The following KCNJ6 variants were observed in gnomAD, a reference collection of about 807,000 sequenced individuals.
KCNJ6 encodes potassium inwardly rectifying channel subfamily J member 6.
In KCNJ6, 9 loss-of-function variants were observed where a neutral mutation model predicts 34.2. The observed-to-expected ratio is 0.26, with a 90% CI of 0.16 to 0.46. The LOEUF is 0.46. KCNJ6 is among the 20% of genes least tolerant of loss of function. The pLI, the probability that KCNJ6 is intolerant of heterozygous loss-of-function variation, is 1.00. For synonymous variants in KCNJ6, 196 were observed against 207.1 expected (o/e 0.95, Z 0.46); for missense variants, 236 against 531.3 (o/e 0.44, Z 5.46).
At chr21:37,713,031 T>C (rs939956871) in intron 3 of KCNJ6, among the ~76,000 whole-genome samples, 7 of 152,142 alleles carry the variant, frequency 4.6e-5, no homozygotes. Context: ...TTTTCACTGT[T>C]TGCTGCATTT....
intron 2 of KCNJ6, among the ~76,000 whole-genome samples, chr21:37,736,505 A>G (rs745599126): frequency 6.6e-6 from 1 of 152,188 alleles, no homozygotes; most frequent in African/African-American, 2.4e-5. Context: ...TTCACCTGAG[A>G]AAAGAGAAGT....
intron 3 of KCNJ6, among the ~76,000 whole-genome samples, chr21:37,665,931 G>C (rs946002353): frequency 6.6e-5 from 10 of 152,200 alleles, no homozygotes; most frequent in African/African-American, 2.4e-4. Context: ...GGGGCAGAGA[G>C]TGGCCTCTCA....
chr21:37,888,674 G>T (rs1042881797), intron 1 of KCNJ6, among the ~76,000 whole-genome samples: 1 of 152,216 alleles, frequency 6.6e-6, no homozygotes, highest in African/African-American at 2.4e-5. Context: ...AGACCTGGTG[G>T]GGCAGGAGAT....
At chr21:37,900,564 C>T (rs1378598272) in intron 1 of KCNJ6, among the ~76,000 whole-genome samples, 3 of 152,084 alleles carry the variant, frequency 2.0e-5, no homozygotes, top group Non-Finnish European at 4.4e-5. Context: ...GAAGTTTAAT[C>T]GGGAAGGAGG....
At chr21:37,818,197 TGTGTGTGTGCGTGC>T (rs796718469) in intron 2 of KCNJ6, among the ~76,000 whole-genome samples, 2 of 43,038 alleles carry the variant, frequency 4.6e-5, no homozygotes, top group Non-Finnish European at 7.6e-5. Flanking sequence ...AAAGTGCGTG[TGTGTGTGTGCGTGC>T]GTGTGTGTGT....
At chr21:37,723,235 A>G (rs1424471680) in intron 2 of KCNJ6, among the ~76,000 whole-genome samples, 1 of 152,240 alleles carries the variant, frequency 6.6e-6, no homozygotes, top group East Asian at 1.9e-4. Context: ...ATACCTTCTC[A>G]CACCAGTCAG....
At chr21:37,815,837 G>C (rs545752183) in intron 2 of KCNJ6, among the ~76,000 whole-genome samples, 1 of 152,356 alleles carries the variant, frequency 6.6e-6, no homozygotes, top group Admixed American at 6.5e-5. Flanking sequence ...GAATAAACAT[G>C]AGTGTACCCA....
chr21:37,777,986 G>T (rs1472160606), intron 2 of KCNJ6, among the ~76,000 whole-genome samples: 1 of 152,174 alleles, frequency 6.6e-6, no homozygotes. Context: ...TGGGAGTGTT[G>T]CCTGTTCTAG....
At chr21:37,807,455 C>A (rs1359248280) in intron 2 of KCNJ6, among the ~76,000 whole-genome samples, 1 of 152,222 alleles carries the variant, frequency 6.6e-6, no homozygotes, top group Non-Finnish European at 1.5e-5. Context: ...TATTTAAGAA[C>A]ACAGTCATGT....
At chr21:37,810,421 T>C (rs1486049436) in intron 2 of KCNJ6, among the ~76,000 whole-genome samples, 2 of 152,194 alleles carry the variant, frequency 1.3e-5, no homozygotes, top group Non-Finnish European at 1.5e-5. Flanking sequence ...AAGGGGATTG[T>C]AAGGGCAAGA....
intron 2 of KCNJ6, among the ~76,000 whole-genome samples, chr21:37,721,795 G>A (rs1214780747): frequency 6.6e-6 from 1 of 152,182 alleles, no homozygotes; most frequent in African/African-American, 2.4e-5. Flanking sequence ...GGGGCACTGG[G>A]GAGGGTATGG....
chr21:37,733,469 A>G (rs2054896564), intron 2 of KCNJ6, among the ~76,000 whole-genome samples: 1 of 152,236 alleles, frequency 6.6e-6, no homozygotes, highest in African/African-American at 2.4e-5. Context: ...TCAAAGACTC[A>G]GGTCCTCAGA....
At position 37,914,008 on chromosome 21, in the gene KCNJ6, G is replaced by GGGGTGTGTGTGTGT. The variant is rs760597650; in HGVS notation, c.-28+1875_-28+1876insACACACACACACCC. Among the ~76,000 whole-genome samples the GGGGTGTGTGTGTGT allele has an allele frequency of 1.6e-4, 22 of 135,584 alleles. No individual in the cohort carries two copies. In the East Asian group the frequency reaches 2.7e-3, roughly 16 times the overall value. The allele number at this position is 135,584 out of a possible 152,430, so 88.9% of individuals were successfully genotyped here. A position where few individuals can be genotyped will look rare whatever the true frequency, so the allele number is the denominator to read the frequency against. ...GCAACCCTCGTCAGAGGCGGATCGG[G>GGGGTGTGTGTGTGT]GTGTGTGTGTGTGTGTGTGTGTGTG... On this transcript the variant is annotated intron_variant, in intron 1 of 3. Transcript: ENST00000609713.
intron 2 of KCNJ6, among the ~76,000 whole-genome samples, chr21:37,788,251 AT>A (rs1376342741): frequency 1.3e-5 from 2 of 152,190 alleles, no homozygotes; most frequent in Non-Finnish European, 2.9e-5. Flanking sequence ...ATCTATGAAG[AT>A]TTAACAGAAT....
At chr21:37,638,271 C>A (rs2054366594) in intron 3 of KCNJ6, among the ~76,000 whole-genome samples, 1 of 152,148 alleles carries the variant, frequency 6.6e-6, no homozygotes, top group African/African-American at 2.4e-5. Context: ...CTCAGCCTCC[C>A]AAGTAGCTGG....
intron 2 of KCNJ6, among the ~76,000 whole-genome samples, chr21:37,756,977 G>A (rs2835940): frequency 2.8e-3 from 4 of 1,432 alleles, no homozygotes; most frequent in Admixed American, 0.028. Flanking sequence ...CAGCATGATG[G>A]TTCCAGCCCA....
intron 2 of KCNJ6, among the ~76,000 whole-genome samples, chr21:37,730,139 T>C (rs1208462560): frequency 6.6e-6 from 1 of 152,270 alleles, no homozygotes; most frequent in Non-Finnish European, 1.5e-5. Context: ...TTGCTCCTGA[T>C]TCTTCCAGTG....
intron 1 of KCNJ6, among the ~76,000 whole-genome samples, chr21:37,845,051 G>A (rs1457373115): frequency 6.6e-6 from 1 of 152,154 alleles, no homozygotes; most frequent in Non-Finnish European, 1.5e-5. Context: ...GTGGTCCGCT[G>A]CTTGCTGTTT....
intron 3 of KCNJ6, among the ~76,000 whole-genome samples, chr21:37,655,500 T>G (rs1601405900): frequency 1.3e-5 from 2 of 152,032 alleles, no homozygotes; most frequent in South Asian, 4.1e-4. Context: ...AGGTCTTATG[T>G]GGGTTTTTAT....
Sources: gnomAD v4.1 joint callset for allele counts (sites outside exome capture counted in the v4.1 genomes callset) on GRCh38, gnomAD v4.1.1 for gene constraint, MANE v1.5 for transcripts, NCBI Gene and HGNC (gene_info 2026-07-23, HGNC 2026-07-21) for gene names.